ADCY2: variants seen among roughly 807,000 people sequenced by gnomAD.
The protein encoded by ADCY2 is adenylate cyclase type 2.
A neutral mutation model predicts 125.2 loss-of-function variants in ADCY2; 31 were observed. The observed-to-expected ratio is 0.25, with a 90% CI of 0.19 to 0.33. The LOEUF (loss-of-function observed/expected upper bound fraction) is 0.33. Ranked by LOEUF, ADCY2 falls within the 10% of genes least tolerant of loss-of-function variation. The pLI is 1.00. For synonymous variants in ADCY2, 512 were observed against 548.4 expected, an observed-to-expected ratio of 0.93 and a Z score of 0.93; for missense variants, 904 against 1,418.2, an observed-to-expected ratio of 0.64 and a Z score of 5.82.
intron 1 of ADCY2, among the ~76,000 whole-genome samples, chr5:7,402,460 T>C (rs1739299047): frequency 6.6e-6 from 1 of 152,228 alleles, no homozygotes. Flanking sequence ...TTTTTGCTTC[T>C]GCTTATACTT....
At chr5:7,789,889 G>A in intron 20 of ADCY2, 89 bp downstream of exon 20, 1 of 1,052,858 alleles carries the variant, frequency 9.5e-7, no homozygotes, top group South Asian at 1.7e-5. Flanking sequence ...GTGACATAAA[G>A]GCTGCAGTAC....
chr5:7,756,069 C>T (rs933885169), intron 15 of ADCY2, among the ~76,000 whole-genome samples: 1 of 152,232 alleles, frequency 6.6e-6, no homozygotes, highest in South Asian at 2.1e-4. Context: ...CTTGGGACCA[C>T]AGGCCCGTTA....
At chr5:7,489,202 G>C (rs1743062228) in intron 2 of ADCY2, among the ~76,000 whole-genome samples, 1 of 152,124 alleles carries the variant, frequency 6.6e-6, no homozygotes, top group Admixed American at 6.5e-5. Flanking sequence ...CTGAGTCTCT[G>C]AGACCTGTTA....
intron 3 of ADCY2, among the ~76,000 whole-genome samples, chr5:7,552,154 G>T (rs1735365500): frequency 6.6e-6 from 1 of 152,174 alleles, no homozygotes; most frequent in Non-Finnish European, 1.5e-5. Flanking sequence ...TCAGTGAACA[G>T]AGCTTCCTAT....
At position 7,685,695 on chromosome 5, in the gene ADCY2, G is replaced by A. The variant is rs188724366; in HGVS notation, c.721-4996G>A. On this transcript the variant is annotated intron_variant, in intron 4 of 24. Coordinates refer to ENST00000338316, the MANE Select transcript of ADCY2 (RefSeq NM_020546.3). ...GGGAGAACAGGGTGATGAAGGCTGA[G>A]GCTGGAGGAGGACTGTTATTGTCTG... Among the ~76,000 whole-genome samples the A allele has an allele frequency of 1.9e-3, 286 of 152,336 alleles. 1 individual carries two copies. The highest frequency in any genetic ancestry group is 6.2e-3 in the South Asian group (30 of 4,816).
Position 7,802,459 on chromosome 5 carries a change from A to T in ADCY2, c.2775+95A>T. On this transcript the variant is annotated intron_variant, in intron 21 of 24. Coordinates refer to ENST00000338316, the MANE Select transcript of ADCY2 (RefSeq NM_020546.3). The surrounding 1 kb of genome is among the most constrained non-coding windows in gnomAD (Gnocchi z 4.6). ...TTCAGGATAGTGGCCTATCCCAAAAAAACTTGTCCTTTGGCATAATTTCTG... is the reference window on the plus strand; with the variant it reads ...TTCAGGATAGTGGCCTATCCCAAAATAACTTGTCCTTTGGCATAATTTCTG... 21 of 1,411,988 alleles carry T rather than the reference A, an allele frequency of 1.5e-5. No homozygotes were observed. Among genetic ancestry groups the T allele is most frequent in the Non-Finnish European group, 2.0e-5 (21 of 1,054,620 alleles). The allele number at this position is 1,411,988 out of a possible 1,614,324, so 87.5% of individuals were successfully genotyped here. A position where few individuals can be genotyped will look rare whatever the true frequency, so the allele number is the denominator to read the frequency against.
intron 2 of ADCY2, among the ~76,000 whole-genome samples, chr5:7,453,215 G>A (rs1741538416): frequency 1.3e-5 from 2 of 152,118 alleles, no homozygotes; most frequent in African/African-American, 4.8e-5. Flanking sequence ...TTATCTTCCA[G>A]AATTTTTATG....
At chr5:7,741,783 A>ATCACCATCACCCTCACCC (rs1742436157) in intron 14 of ADCY2, among the ~76,000 whole-genome samples, 1 of 4,382 alleles carries the variant, frequency 2.3e-4, no homozygotes, top group Non-Finnish European at 4.7e-4. Flanking sequence ...TACCATCATC[A>ATCACCATCACCCTCACCC]TCCCTATCAC....
intron 3 of ADCY2, among the ~76,000 whole-genome samples, chr5:7,586,546 C>T (rs1024832363): frequency 6.6e-6 from 1 of 152,010 alleles, no homozygotes; most frequent in Admixed American, 6.6e-5. Context: ...TAATTCAACC[C>T]GTAACATTTG....
chr5:7,670,494 T>A (rs1352826992), intron 4 of ADCY2, among the ~76,000 whole-genome samples: 1 of 152,248 alleles, frequency 6.6e-6, no homozygotes, highest in Non-Finnish European at 1.5e-5. Context: ...TATGCTATTA[T>A]TTAACCTTAT....
chr5:7,617,273 T>A (rs1737797791), intron 3 of ADCY2, among the ~76,000 whole-genome samples: 1 of 152,144 alleles, frequency 6.6e-6, no homozygotes, highest in South Asian at 2.1e-4. Flanking sequence ...GATAAATTTC[T>A]GTTTTGTGTA....
chr5:7,420,816 T>G (rs780501224), intron 2 of ADCY2, among the ~76,000 whole-genome samples: 23 of 152,224 alleles, frequency 1.5e-4, no homozygotes, highest in Non-Finnish European at 3.2e-4. Context: ...CTTTCATTTG[T>G]GCTTCCAATT....
intron 2 of ADCY2, among the ~76,000 whole-genome samples, chr5:7,504,787 G>A (rs1207641680): frequency 6.6e-6 from 1 of 151,684 alleles, no homozygotes; most frequent in African/African-American, 2.4e-5. Flanking sequence ...GGGACTACAT[G>A]TGTGAGCCAC....
intron 4 of ADCY2, among the ~76,000 whole-genome samples, chr5:7,666,442 A>T (rs1389795716): frequency 6.7e-6 from 1 of 148,692 alleles, no homozygotes; most frequent in Admixed American, 6.7e-5. Context: ...CTAATTTTTT[A>T]TATTTTTAGT....
intron 3 of ADCY2, among the ~76,000 whole-genome samples, chr5:7,551,532 G>A (rs1466010055): frequency 5.9e-5 from 9 of 152,058 alleles, no homozygotes; most frequent in Non-Finnish European, 1.0e-4. Context: ...TAATATCTAT[G>A]ATTTTCCTTT....
chr5:7,725,567 T>G (rs1028608975), intron 13 of ADCY2, among the ~76,000 whole-genome samples: 5 of 152,206 alleles, frequency 3.3e-5, no homozygotes, highest in Non-Finnish European at 5.9e-5. Context: ...CTTGTTATAA[T>G]GCACAACTAT....
Position 7,743,760 on chromosome 5 carries a change from T to C in ADCY2, c.1956+8T>C. Reference sequence around the variant, plus strand: ...TTTGCTGGACAGCTTCTGGTAGGTATTCAAATGTGGCGCTTCTTTGAAAAG... The same window carrying C: ...TTTGCTGGACAGCTTCTGGTAGGTACTCAAATGTGGCGCTTCTTTGAAAAG... On this transcript the variant is annotated splice_region_variant and intron_variant, in intron 15 of 24. Coordinates refer to ENST00000338316, the MANE Select transcript of ADCY2 (RefSeq NM_020546.3). The C allele has an allele frequency of 6.2e-7, 1 of 1,612,588 alleles. No homozygotes were observed. Among genetic ancestry groups the C allele is most frequent in the Non-Finnish European group, 8.5e-7 (1 of 1,179,216 alleles).
chr5:7,690,831 A>G lies in ADCY2; in HGVS notation c.861A>G (p.Thr287=), dbSNP rs1356450757. 1 of 1,589,384 alleles carries G rather than the reference A, an allele frequency of 6.3e-7. No homozygotes were observed. The highest frequency in any genetic ancestry group is 2.3e-5 in the East Asian group (1 of 43,090). ...ACAACCTGTATGTGAAGCGGCATAC[A>G]AACGTGAGGTACGACGCTATGCTTG... ...NFHNLYVKRH[T]NVSILYADIV... is the part of the protein sequence containing the mutation. Residue 287 remains threonine (T), a synonymous_variant, in exon 5 of 25, where the codon ACA becomes ACG. Transcript: ENST00000338316.
intron 22 of ADCY2, among the ~76,000 whole-genome samples, chr5:7,806,581 C>A (rs1257993687): frequency 1.3e-5 from 2 of 152,190 alleles, no homozygotes; most frequent in Non-Finnish European, 2.9e-5. Context: ...CTTCTCACTT[C>A]TCTTAGGCCT....
Sources: gnomAD v4.1 joint callset for allele counts (sites outside exome capture counted in the v4.1 genomes callset) on GRCh38, gnomAD v4.1.1 for gene constraint, Gnocchi (gnomAD v3.1) non-coding constraint, MANE v1.5 for transcripts, NCBI Gene and HGNC (gene_info 2026-07-23, HGNC 2026-07-21) for gene names.